The following TTN variants were observed in gnomAD, a reference collection of about 807,000 sequenced individuals.
TTN encodes the protein titin, also known as connectin.
A neutral mutation model predicts 3,223.0 loss-of-function variants in TTN; 1,525 were observed. The ratio of observed to expected loss-of-function variants is 0.47; its 90% CI spans 0.45 to 0.49. The LOEUF (loss-of-function observed/expected upper bound fraction) is 0.49. Ranked by LOEUF, TTN falls within the 20% of genes least tolerant of loss-of-function variation. TTN has a pLI of 0.00. For missense variants in TTN, 40,786 were observed against 43,424.0 expected (o/e 0.94, Z 5.40); for synonymous variants, 14,094 against 15,161.0 (o/e 0.93, Z 5.17).
At position 178,580,593 on chromosome 2, in the gene TTN, T is replaced by A. The variant is rs1022562370; in HGVS notation, c.66786A>T (p.Glu22262Asp). 6.2e-7 allele frequency: 1 copy of A among 1,610,604 alleles called. No homozygotes were observed. The highest frequency in any genetic ancestry group is 1.7e-5 in the Admixed American group (1 of 59,574). The change falls in exon 317 of 363, where the codon GAA becomes GAT. Residue 22262 changes from glutamate to aspartate, a missense_variant. Coordinates refer to ENST00000589042, the MANE Select transcript of TTN (RefSeq NM_001267550.2). ...GTGTCTTCCTTAAGTCCGCATCAAG[T>A]TCTCCCTCAGGTGGAACTGTTTAAT... is the stretch of plus-strand genomic sequence containing the variant. Reference protein sequence around the residue: ...PKDILIPPEGELDADLRKTLI... With the variant: ...PKDILIPPEGDLDADLRKTLI...
At chr2:178,673,852 G>A in intron 151 of TTN, 142 bp from the exon 152 acceptor site, 1 of 626,914 alleles carries the variant, frequency 1.6e-6, no homozygotes, top group South Asian at 2.2e-5. Context: ...TAAATGTGGA[G>A]TAGGAACCCT....
In TTN at chr2:178,566,571, C is replaced by T; in HGVS notation, c.79561G>A (p.Gly26521Arg). Residue 26521 changes from glycine (G) to arginine (R), a missense_variant, in exon 326 of 363, where the codon GGA becomes AGA. Gly to Arg is a moderately radical substitution (Grantham distance 125). Coordinates refer to ENST00000589042, the MANE Select transcript of TTN (RefSeq NM_001267550.2). ...GCTTTACAGATTTCTACTACATATC[C>T]CAAGATCTCACTGCCGCCATCATAG... The part of the protein sequence containing the change: ...PIYDGGSEIL[G>R]YVVEICKADE... 3 of 1,612,910 alleles carry T rather than the reference C, an allele frequency of 1.9e-6. No homozygotes were observed. The highest frequency in any genetic ancestry group is 2.5e-6 in the Non-Finnish European group (3 of 1,179,666).
At position 178,572,932 on chromosome 2, in the gene TTN, A is replaced by G. The variant is rs1250752630; in HGVS notation, c.73200T>C (p.Tyr24400=). Residue 24400 remains tyrosine (Y), a synonymous_variant, in exon 326 of 363, where the codon TAT becomes TAC. Coordinates refer to ENST00000589042, the MANE Select transcript of TTN (RefSeq NM_001267550.2). The part of the protein sequence containing the change: ...TENQEYKIRI[Y]AMNSEGLGEP... The stretch of plus-strand genomic sequence containing the variant: ...CCCCAAGTCCTTCGGAATTCATGGC[A>G]TAGATGCGGATCTTATATTCCTGAT... 2 of 1,613,344 alleles carry G rather than the reference A, an allele frequency of 1.2e-6. No individual in the cohort carries two copies. Among genetic ancestry groups the G allele is most frequent in the Admixed American group, 3.3e-5 (2 of 59,990 alleles).
rs765988593 is a variant in TTN at position 178,574,853 on chromosome 2, C to A, written c.71279G>T (p.Ser23760Ile). 1 of 1,613,094 alleles carries A rather than the reference C, an allele frequency of 6.2e-7. No homozygotes were observed. The highest frequency in any genetic ancestry group is 8.5e-7 in the Non-Finnish European group (1 of 1,179,570). ...PPENDGGVPI[S>I]NYVVEMRQTD... The stretch of plus-strand genomic sequence containing the variant: ...CTGCCGCATTTCCACTACATAGTTG[C>A]TTATTGGTACACCACCATCGTTCTC... Residue 23760 changes from serine to isoleucine, a missense_variant, in exon 326 of 363, where the codon AGC (serine) becomes ATC (isoleucine). By Grantham distance (142) the Ser-to-Ile change is moderately radical. Coordinates refer to ENST00000589042, the MANE Select transcript of TTN (RefSeq NM_001267550.2).
chr2:178,669,464 A>G lies in TTN; in HGVS notation c.35471-17T>C. The G allele has an allele frequency of 6.4e-7, 1 of 1,555,824 alleles. No homozygotes were observed. The highest frequency in any genetic ancestry group is 8.6e-7 in the Non-Finnish European group (1 of 1,157,534). ...TCCCAGGAACTTTAAAGATATTAGT[A>G]TATTAATTGTTACAGATAACAAATA... On this transcript the variant is annotated splice_polypyrimidine_tract_variant and intron_variant, in intron 158 of 362. Transcript: ENST00000589042.
intron 44 of TTN, chr2:178,758,694 C>T (rs770652179): frequency 2.6e-5 from 11 of 420,704 alleles, no homozygotes; most frequent in Non-Finnish European, 4.8e-5. Flanking sequence ...TATTTCGCCC[C>T]CTTCTGATTC....
Position 178,618,007 on chromosome 2 carries a change from G to T in TTN, c.47344C>A (p.Pro15782Thr), listed in dbSNP as rs749192459. ...ATCTCAGCACCTCCATCATACTCTG[G>T]TGGTTCCCATGTCAGTGAGACACCA... ...RFGVSLTWEP[P>T]EYDGGAEITN... Residue 15782 changes from proline to threonine, a missense_variant, in exon 253 of 363, where the codon CCA becomes ACA. Transcript: ENST00000589042. The T allele has an allele frequency of 1.2e-6, 2 of 1,612,376 alleles. No homozygotes were observed. The highest frequency in any genetic ancestry group is 1.3e-5 in the African/African-American group (1 of 74,810).
chr2:178,665,005 T>C, intron 165 of TTN, 79 bp from the exon 166 acceptor site: 2 of 1,460,684 alleles, frequency 1.4e-6, no homozygotes, highest in Non-Finnish European at 1.9e-6. Context: ...TTAGGAAATA[T>C]AACCACATTT....
rs2154334983 is a variant in TTN at position 178,756,585 on chromosome 2, G to C, written c.10891C>G (p.Gln3631Glu). Residue 3631 changes from glutamine to glutamate, a missense_variant, in exon 46 of 363, where the codon CAG becomes GAG. By Grantham distance (29) the Gln-to-Glu change is conservative (BLOSUM62 2). Transcript: ENST00000589042. ...IHTAASVQDT[Q>E]LCHTASLSQI... is the part of the protein sequence containing the mutation. ...GAAAGGGATGCAGTATGGCACAACT[G>C]TGTATCTTGAACAGATGCAGCTGTG... is the stretch of plus-strand genomic sequence containing the variant. The C allele has an allele frequency of 6.2e-7, 1 of 1,612,570 alleles. No individual in the cohort carries two copies. Among genetic ancestry groups the C allele is most frequent in the Non-Finnish European group, 8.5e-7 (1 of 1,179,054 alleles).
intron 47 of TTN, chr2:178,745,646 C>T: frequency 6.2e-7 from 1 of 1,612,550 alleles, no homozygotes; most frequent in Non-Finnish European, 8.5e-7. Context: ...AGCTACACAC[C>T]TATACTCTCC....
Position 178,712,848 on chromosome 2 carries a change from T to G in TTN, c.27177A>C (p.Leu9059=). The part of the protein sequence containing the change: ...SVSWFKGSSE[L]VPGDRCNVSL... The stretch of plus-strand genomic sequence containing the variant: ...ACACGTTGCATCTGTCACCTGGTAC[T>G]AGTTCACTGCTACCTTTGAACCAGC... The change falls in exon 94 of 363, where the codon CTA becomes CTC. Residue 9059 remains leucine (L), a synonymous_variant. Transcript: ENST00000589042. 6.2e-7 allele frequency: 1 copy of G among 1,613,816 alleles called. No homozygotes were observed. The highest frequency in any genetic ancestry group is 8.5e-7 in the Non-Finnish European group (1 of 1,179,774).
Position 178,779,306 on chromosome 2 carries a change from T to C in TTN, c.3886A>G (p.Arg1296Gly), listed in dbSNP as rs754853658. 1 of 1,613,768 alleles carries C rather than the reference T, an allele frequency of 6.2e-7. No individual in the cohort carries two copies. The highest frequency in any genetic ancestry group is 1.1e-5 in the South Asian group (1 of 91,064). ...SEAVESGFDS[R>G]IKNYRILEGM... is the part of the protein sequence containing the mutation. ...TCAAGAATTCTATAATTCTTGATTC[T>C]TGAATCAAATCCTGATTCAACAGCT... is the stretch of plus-strand genomic sequence containing the variant. Residue 1296 changes from arginine to glycine, a missense_variant, in exon 23 of 363, where the codon AGA becomes GGA. Transcript: ENST00000589042.
rs754046739 is a variant in TTN, at chr2:178,573,470, C to T, written c.72662G>A (p.Gly24221Glu). The change falls in exon 326 of 363, where the codon GGA becomes GAA. Residue 24221 changes from glycine (G) to glutamate (E), a missense_variant. By Grantham distance (98) the Gly-to-Glu change is moderately conservative (BLOSUM62 -2). Transcript: ENST00000589042. ...AGGGTTTTTGGGCGGATCAGGGGGTCCATAAGGATTCACTGCAAGCACAGG... is the reference window on the plus strand; with the variant it reads ...AGGGTTTTTGGGCGGATCAGGGGGTTCATAAGGATTCACTGCAAGCACAGG... The part of the protein sequence containing the change: ...SEPVLAVNPY[G>E]PPDPPKNPEV... 1.3e-6 allele frequency: 2 copies of T among 1,510,112 alleles called. No homozygotes were observed. Among genetic ancestry groups the T allele is most frequent in the Non-Finnish European group, 1.8e-6 (2 of 1,133,362 alleles). The allele number at this position is 1,510,112 out of a possible 1,614,324, so 93.5% of individuals were successfully genotyped here.
Position 178,552,016 on chromosome 2 carries a change from T to C in TTN, c.90884A>G (p.Tyr30295Cys), listed in dbSNP as rs369202604. 1.9e-6 allele frequency: 3 copies of C among 1,613,082 alleles called. No homozygotes were observed. Among genetic ancestry groups the C allele is most frequent in the African/African-American group, 1.3e-5 (1 of 74,908 alleles). Residue 30295 changes from tyrosine to cysteine, a missense_variant, in exon 335 of 363, where the codon TAC becomes TGC. Tyr to Cys is a radical substitution (Grantham distance 194). Transcript: ENST00000589042. Reference sequence around the variant, plus strand: ...GTTTTCTGCTCTCACTCTAAACTGGTACTCAGCATCTTTGACTAGATTAGG... The same window carrying C: ...GTTTTCTGCTCTCACTCTAAACTGGCACTCAGCATCTTTGACTAGATTAGG... ...KVPNLVKDAE[Y>C]QFRVRAENRY...
Position 178,566,880 on chromosome 2 carries a change from T to C in TTN, c.79252A>G (p.Ile26418Val), listed in dbSNP as rs1382272786. Residue 26418 changes from isoleucine to valine, a missense_variant, in exon 326 of 363, where the codon ATT becomes GTT. Physicochemically the swap from Ile to Val is conservative, Grantham distance 29. Coordinates refer to ENST00000589042, the MANE Select transcript of TTN (RefSeq NM_001267550.2). ...CTTTTCTCTACAATGTAACCAATAA[T>C]CTCACTTCCACCATCACTATCTGGA... Reference protein sequence around the residue: ...NRPDSDGGSEIIGYIVEKRDR... With the variant: ...NRPDSDGGSEVIGYIVEKRDR... The C allele has an allele frequency of 1.2e-6, 2 of 1,613,528 alleles. No individual in the cohort carries two copies. The highest frequency in any genetic ancestry group is 4.5e-5 in the East Asian group (2 of 44,808).
chr2:178,708,102 T>C (rs2076141863), intron 99 of TTN, among the ~76,000 whole-genome samples: 1 of 152,234 alleles, frequency 6.6e-6, no homozygotes, highest in Non-Finnish European at 1.5e-5. Context: ...GCAGTTACTA[T>C]GAACTTCTTT....
rs765004114 is a variant in TTN, at chr2:178,651,701, A to G, written c.39428T>C (p.Val13143Ala). 1.9e-6 allele frequency: 3 copies of G among 1,613,234 alleles called. No homozygotes were observed. Among genetic ancestry groups the G allele is most frequent in the African/African-American group, 2.7e-5 (2 of 74,886 alleles). ...KPVPEKKAPA[V>A]VAKKPELPPV... ...TGGTAGTTCAGGTTTTTTGGCAACGACAGCAGGTGCTTTCTTTTCTGGGAC... is the reference window on the plus strand; with the variant it reads ...TGGTAGTTCAGGTTTTTTGGCAACGGCAGCAGGTGCTTTCTTTTCTGGGAC... The change falls in exon 206 of 363, where the codon GTC (valine) becomes GCC (alanine). Residue 13143 changes from valine to alanine, a missense_variant. Coordinates refer to ENST00000589042, the MANE Select transcript of TTN (RefSeq NM_001267550.2).
intron 203 of TTN, 37 bp from the exon 204 acceptor site, chr2:178,652,216 G>A: frequency 6.2e-7 from 1 of 1,612,638 alleles, no homozygotes; most frequent in Non-Finnish European, 8.5e-7. Context: ...GTTAGACAAA[G>A]TAAAGACAAA....
Position 178,567,010 on chromosome 2 carries a change from T to C in TTN, c.79122A>G (p.Glu26374=), listed in dbSNP as rs727504497. The C allele has an allele frequency of 2.5e-6, 4 of 1,613,534 alleles. No individual in the cohort carries two copies. The highest frequency in any genetic ancestry group is 2.5e-6 in the Non-Finnish European group (3 of 1,179,688). Residue 26374 remains glutamate, a synonymous_variant, in exon 326 of 363, where the codon GAA becomes GAG. Coordinates refer to ENST00000589042, the MANE Select transcript of TTN (RefSeq NM_001267550.2). ...VNKYGVGEPL[E]SAPVLMKNPF... ...GATTTTTCATTAGTACTGGTGCAGA[T>C]TCCAAAGGCTCTCCAACACCATATT...
Sources: allele counts gnomAD v4.1 joint callset (sites outside exome capture counted in the v4.1 genomes callset), GRCh38; gene constraint gnomAD v4.1.1; transcripts MANE v1.5; gene names NCBI Gene and HGNC (gene_info 2026-07-23, HGNC 2026-07-21).